The following CELSR1 variants were observed in gnomAD, a reference collection of about 807,000 sequenced individuals.
CELSR1 encodes the protein cadherin EGF LAG seven-pass G-type receptor 1, also known as adhesion G protein-coupled receptor C1.
In CELSR1, 110 loss-of-function variants were observed where a neutral mutation model predicts 249.1. That is an observed-to-expected ratio of 0.44 (90% CI 0.38 to 0.52). The LOEUF (loss-of-function observed/expected upper bound fraction) is 0.52, where lower values mean the gene tolerates loss of function less well. Among genes scored for constraint, CELSR1 ranks in the 20% least tolerant of loss-of-function variants. The pLI, the probability that CELSR1 is intolerant of heterozygous loss-of-function variation, is 0.00. For synonymous variants in CELSR1, 2,113 were observed against 1,900.0 expected, an observed-to-expected ratio of 1.11 and a Z score of -2.92; for missense variants, 4,109 against 4,296.4, an observed-to-expected ratio of 0.96 and a Z score of 1.22.
rs1192445697 is a variant in CELSR1 at position 46,518,894 on chromosome 22, G to A, written c.3544+14733C>T. Among the ~76,000 whole-genome samples, 5 of 152,130 alleles carry A rather than the reference G, an allele frequency of 3.3e-5. No individual in the cohort carries two copies. The highest frequency in any genetic ancestry group is 4.4e-5 in the Non-Finnish European group (3 of 68,024). ...CTAAAAATACAAAAATTAGCTGGAC[G>A]TGGTGGCGCATGCCTGTAATCCCAG... On this transcript the variant is annotated intron_variant, in intron 1 of 34. Transcript: ENST00000674500. The surrounding 1 kb of genome is among the most constrained non-coding windows in gnomAD (Gnocchi z 5.2).
intron 23 of CELSR1, 49 bp downstream of exon 23, chr22:46,378,542 G>C (rs1275694566): frequency 6.5e-7 from 1 of 1,528,102 alleles, no homozygotes; most frequent in Non-Finnish European, 8.8e-7. Context: ...GGGAGGGGCA[G>C]GTTTGGCGGT....
rs539690434 is a variant in CELSR1 at position 46,376,904 on chromosome 22, C to G, written c.7584+157G>C. On this transcript the variant is annotated intron_variant, in intron 24 of 34. Transcript: ENST00000674500. ...GTGAATCCCACATCTCCACCCACAG[C>G]CTGTGACCAGGCACGTTCCTGAAAG... 5.9e-5 allele frequency among the ~76,000 whole-genome samples: 9 copies of G among 152,108 alleles called. No homozygotes were observed. The East Asian group carries it at 1.5e-3, about 26-fold the overall frequency.
rs1254021161 is a variant in CELSR1 at position 46,409,825 on chromosome 22, G to A, written c.4989C>T (p.Thr1663=). The A allele has an allele frequency of 1.9e-6, 3 of 1,613,882 alleles. No individual in the cohort carries two copies. The Admixed American group carries it at 5.0e-5, about 27-fold the overall frequency. Residue 1663 remains threonine, a synonymous_variant, in exon 8 of 35, where the codon ACC becomes ACT. Coordinates refer to ENST00000674500, the MANE Select transcript of CELSR1 (RefSeq NM_001378328.1). The surrounding 1 kb of genome is among the most constrained non-coding windows in gnomAD (Gnocchi z 9.8). ...CDGRRCQNGG[T]CVNRWNMYLC... ...GATACATATTCCACCTGTTGACACA[G>A]GTGCCTCCATTCTGACACCGCCTCC... is the stretch of plus-strand genomic sequence containing the variant.
At chr22:46,507,804 C>A (rs548667601) in intron 1 of CELSR1, among the ~76,000 whole-genome samples, 2 of 152,178 alleles carry the variant, frequency 1.3e-5, no homozygotes, top group East Asian at 3.9e-4. Flanking sequence ...AGCCGGCGAG[C>A]CTGCCTCTTT....
rs1302772840 is a variant in CELSR1, at chr22:46,506,616, T to C, written c.3544+27011A>G. On this transcript the variant is annotated intron_variant, in intron 1 of 34. Transcript: ENST00000674500. This position sits in a 1 kb window ranked among gnomAD's most constrained non-coding sequence, Gnocchi z 4.1. The stretch of plus-strand genomic sequence containing the variant: ...TTCCAAGACCACTTCCTTAGGGTGA[T>C]GTTTCTAGGACTTTCAACATCTACA... 6.6e-6 allele frequency among the ~76,000 whole-genome samples: 1 copy of C among 152,208 alleles called. No homozygotes were observed. The highest frequency in any genetic ancestry group is 2.4e-5 in the African/African-American group (1 of 41,452).
rs775805311 is a variant in CELSR1, at chr22:46,447,049, G to C, written c.4184-7638C>G. On this transcript the variant is annotated intron_variant, in intron 2 of 34. Coordinates refer to ENST00000674500, the MANE Select transcript of CELSR1 (RefSeq NM_001378328.1). This position sits in a 1 kb window ranked among gnomAD's most constrained non-coding sequence, Gnocchi z 4.7. ...ACAGTACTGTTTATAGGGAGCTGGA[G>C]GGGCTGCTAGCATGAGTGGATTACA... Among the ~76,000 whole-genome samples the C allele has an allele frequency of 6.6e-6, 1 of 152,126 alleles. No individual in the cohort carries two copies. Among genetic ancestry groups the C allele is most frequent in the African/African-American group, 2.4e-5 (1 of 41,438 alleles).
chr22:46,396,768 T>C lies in CELSR1; in HGVS notation c.5702-22A>G. The C allele has an allele frequency of 6.2e-7, 1 of 1,608,078 alleles. No homozygotes were observed. The highest frequency in any genetic ancestry group is 8.5e-7 in the Non-Finnish European group (1 of 1,177,384). ...TACCCTGCAAGGACAGAGCCAGCAT[T>C]ACCTCCACCCACAATCCACGAGACC... On this transcript the variant is annotated intron_variant, in intron 12 of 34. Transcript: ENST00000674500. The surrounding 1 kb of genome is among the most constrained non-coding windows in gnomAD (Gnocchi z 6.4).
chr22:46,367,748 G>C lies in CELSR1; in HGVS notation c.8060C>G (p.Ala2687Gly). Residue 2687 changes from alanine (A) to glycine (G), a missense_variant, in exon 28 of 35, where the codon GCC becomes GGC. Ala to Gly is a moderately conservative substitution (Grantham distance 60, BLOSUM62 0). Coordinates refer to ENST00000674500, the MANE Select transcript of CELSR1 (RefSeq NM_001378328.1). ...ACCTACCTGTAAGCCGCTGAAGATG[G>C]CGAAGAGGTAGTGAAAGCTCAGTGC... ...RDALSFHYLF[A>G]IFSGLQGPFV... 1 of 1,604,380 alleles carries C rather than the reference G, an allele frequency of 6.2e-7. No homozygotes were observed. The highest frequency in any genetic ancestry group is 8.5e-7 in the Non-Finnish European group (1 of 1,176,636).
Position 46,534,213 on chromosome 22 carries a change from C to T in CELSR1, c.2958G>A (p.Gln986=). ...PTPLSASVEI[Q]VTILDINDNA... ...TGTCATTAATGTCCAAGATGGTCAC[C>T]TGGATTTCTACCGAGGCGCTAAGGG... Residue 986 remains glutamine, a synonymous_variant, in exon 1 of 35, where the codon CAG becomes CAA. Coordinates refer to ENST00000674500, the MANE Select transcript of CELSR1 (RefSeq NM_001378328.1). This position sits in a 1 kb window ranked among gnomAD's most constrained non-coding sequence, Gnocchi z 9.7. 6.2e-7 allele frequency: 1 copy of T among 1,613,836 alleles called. No homozygotes were observed. Among genetic ancestry groups the T allele is most frequent in the Non-Finnish European group, 8.5e-7 (1 of 1,180,044 alleles).
chr22:46,537,126 C>T lies in CELSR1; in HGVS notation c.45G>A (p.Leu15=). ...PPPVLPVLLL[L]AAAAALPAMG... Reference sequence around the variant, plus strand: ...TCGCCGGCAGGGCGGCGGCGGCGGCCAGGAGCAGCAGCACGGGCAGCACGG... The same window carrying T: ...TCGCCGGCAGGGCGGCGGCGGCGGCTAGGAGCAGCAGCACGGGCAGCACGG... Residue 15 remains leucine (L), a synonymous_variant, in exon 1 of 35, where the codon CTG becomes CTA. Coordinates refer to ENST00000674500, the MANE Select transcript of CELSR1 (RefSeq NM_001378328.1). This position sits in a 1 kb window ranked among gnomAD's most constrained non-coding sequence, Gnocchi z 5.8. 1 of 1,034,760 alleles carries T rather than the reference C, an allele frequency of 9.7e-7. No homozygotes were observed. The highest frequency in any genetic ancestry group is 1.7e-5 in the African/African-American group (1 of 57,812). 64.1% of individuals were successfully genotyped at this position (1,034,760 alleles called of 1,614,324 possible).
rs1292373877 is a variant in CELSR1 at position 46,448,254 on chromosome 22, G to C, written c.4184-8843C>G. ...ACATGGAGACTCTGGCAGGGGGCTGGACACAAGCCCAGGGAAGACAGAGGG... is the reference window on the plus strand; with the variant it reads ...ACATGGAGACTCTGGCAGGGGGCTGCACACAAGCCCAGGGAAGACAGAGGG... On this transcript the variant is annotated intron_variant, in intron 2 of 34. Coordinates refer to ENST00000674500, the MANE Select transcript of CELSR1 (RefSeq NM_001378328.1). The surrounding 1 kb of genome is among the most constrained non-coding windows in gnomAD (Gnocchi z 5.7). Among the ~76,000 whole-genome samples, 1 of 152,178 alleles carries C rather than the reference G, an allele frequency of 6.6e-6. No homozygotes were observed. The highest frequency in any genetic ancestry group is 1.5e-5 in the Non-Finnish European group (1 of 68,024).
In CELSR1 at chr22:46,411,708, C is replaced by T; in HGVS notation, c.4663G>A (p.Ala1555Thr). Residue 1555 changes from alanine (A) to threonine (T), a missense_variant, in exon 6 of 35, where the codon GCC becomes ACC. Ala to Thr is a moderately conservative substitution (Grantham distance 58, BLOSUM62 0). Coordinates refer to ENST00000674500, the MANE Select transcript of CELSR1 (RefSeq NM_001378328.1). This position sits in a 1 kb window ranked among gnomAD's most constrained non-coding sequence, Gnocchi z 4.2. ...TCACAATCATCCACTGTCACCACGGCCATCTTTTCCCCGGACGGCCCATGG... is the reference window on the plus strand; with the variant it reads ...TCACAATCATCCACTGTCACCACGGTCATCTTTTCCCCGGACGGCCCATGG... ...LPHGPSGEKM[A>T]VVTVDDCDTT... 1 of 1,614,218 alleles carries T rather than the reference C, an allele frequency of 6.2e-7. No individual in the cohort carries two copies. The highest frequency in any genetic ancestry group is 1.7e-5 in the Admixed American group (1 of 60,036).
rs1194122798 is a variant in CELSR1 at position 46,381,961 on chromosome 22, T to A, written c.6973A>T (p.Arg2325Trp). Residue 2325 changes from arginine (R) to tryptophan (W), a missense_variant, in exon 21 of 35, where the codon AGG becomes TGG. By Grantham distance (101) the Arg-to-Trp change is moderately radical (BLOSUM62 -3). Around this residue, in one of 7 missense-constraint regions of CELSR1, gnomAD observed 1,805 missense variants for 1,831.6 expected, o/e 0.99. Coordinates refer to ENST00000674500, the MANE Select transcript of CELSR1 (RefSeq NM_001378328.1). This position sits in a 1 kb window ranked among gnomAD's most constrained non-coding sequence, Gnocchi z 6.0. ...PGTEREAPISRRRRHPDDAGQ... is the reference protein window; with the variant it reads ...PGTEREAPISWRRRHPDDAGQ... The stretch of plus-strand genomic sequence containing the variant: ...GCGTCATCAGGGTGTCGCCTCCGCC[T>A]GCTGATCGGGGCCTCCCTCTCGGTG... 6.4e-7 allele frequency: 1 copy of A among 1,564,998 alleles called. No homozygotes were observed. Among genetic ancestry groups the A allele is most frequent in the East Asian group, 2.4e-5 (1 of 41,882 alleles).
Position 46,468,251 on chromosome 22 carries a change from T to C in CELSR1, c.3545-3906A>G, listed in dbSNP as rs141062010. 2.8e-3 allele frequency among the ~76,000 whole-genome samples: 419 copies of C among 152,060 alleles called. 1 individual carries two copies. The highest frequency in any genetic ancestry group is 9.8e-3 in the African/African-American group (405 of 41,454). ...AAATACAAAAATTAGCTGGGCGTGG[T>C]GGTGCATGCCTGTAATCTTAGCTAC... is the stretch of plus-strand genomic sequence containing the variant. On this transcript the variant is annotated intron_variant, in intron 1 of 34. Coordinates refer to ENST00000674500, the MANE Select transcript of CELSR1 (RefSeq NM_001378328.1). This position sits in a 1 kb window ranked among gnomAD's most constrained non-coding sequence, Gnocchi z 4.5.
chr22:46,369,114 G>T, intron 27 of CELSR1, 65 bp downstream of exon 27: 1 of 1,525,792 alleles, frequency 6.6e-7, no homozygotes, highest in Non-Finnish European at 9.1e-7. Context: ...ACCCCGCAGA[G>T]ACTGGACGTC....
intron 5 of CELSR1, among the ~76,000 whole-genome samples, chr22:46,431,058 C>T (rs1016062883): frequency 3.9e-5 from 6 of 152,222 alleles, no homozygotes; most frequent in Non-Finnish European, 7.3e-5. Flanking sequence ...TAATCCCACA[C>T]GGGAGGCTGT....
At position 46,381,085 on chromosome 22, in the gene CELSR1, C is replaced by T. The variant is rs1265008665; in HGVS notation, c.7089-130G>A. ...GAGACAGAATCACACTCCGAGAGCT[C>T]GGACCCACGGACCCCACAGTATCTT... On this transcript the variant is annotated intron_variant, in intron 21 of 34. Coordinates refer to ENST00000674500, the MANE Select transcript of CELSR1 (RefSeq NM_001378328.1). This position sits in a 1 kb window ranked among gnomAD's most constrained non-coding sequence, Gnocchi z 6.0. 4 of 876,666 alleles carry T rather than the reference C, an allele frequency of 4.6e-6. No individual in the cohort carries two copies. The highest frequency in any genetic ancestry group is 7.0e-6 in the Non-Finnish European group (4 of 574,964). The allele number at this position is 876,666 out of a possible 1,614,324, so 54.3% of individuals were successfully genotyped here.
intron 23 of CELSR1, among the ~76,000 whole-genome samples, chr22:46,377,816 C>G (rs1292413894): frequency 1.3e-5 from 2 of 152,254 alleles, no homozygotes; most frequent in Admixed American, 6.5e-5. Flanking sequence ...CGCCTGAGGG[C>G]TGACTCACCC....
Position 46,411,587 on chromosome 22 carries a change from T to C in CELSR1, c.4769+15A>G, listed in dbSNP as rs745401105. ...GGGTACGGACCCCCAGGGCCTCCCC[T>C]CCTGGGATGCTCACTTCTTGGAGCC... On this transcript the variant is annotated intron_variant, in intron 6 of 34. Coordinates refer to ENST00000674500, the MANE Select transcript of CELSR1 (RefSeq NM_001378328.1). This position sits in a 1 kb window ranked among gnomAD's most constrained non-coding sequence, Gnocchi z 4.2. 3.1e-6 allele frequency: 5 copies of C among 1,613,766 alleles called. No individual in the cohort carries two copies. The African/African-American group carries it at 5.3e-5, about 17-fold the overall frequency.
Sources: allele counts gnomAD v4.1 joint callset (sites outside exome capture counted in the v4.1 genomes callset), GRCh38; gene constraint gnomAD v4.1.1; regional missense constraint gnomAD v4.1.1; non-coding constraint Gnocchi (gnomAD v3.1); transcripts MANE v1.5; gene names NCBI Gene and HGNC (gene_info 2026-07-23, HGNC 2026-07-21).